Variants in CDC42BPB observed in about 807,000 individuals in gnomAD.
The protein encoded by CDC42BPB is serine/threonine-protein kinase MRCK beta.
In CDC42BPB, 37 loss-of-function variants were observed where a neutral mutation model predicts 214.9. That is an observed-to-expected ratio of 0.17 (90% CI 0.13 to 0.23). The LOEUF is 0.23. CDC42BPB is among the 10% of genes least tolerant of loss of function. CDC42BPB has a pLI of 1.00. For synonymous variants in CDC42BPB, 931 were observed against 884.0 expected, an observed-to-expected ratio of 1.05 and a Z score of -0.94; for missense variants, 1,694 against 2,227.0, an observed-to-expected ratio of 0.76 and a Z score of 4.82.
chr14:103,025,854 A>T (rs577692443), intron 1 of CDC42BPB, among the ~76,000 whole-genome samples: 68 of 152,148 alleles, frequency 4.5e-4, no homozygotes, highest in Middle Eastern at 3.4e-3. Context: ...ACACTGATGA[A>T]TCACACGGAT....
At chr14:103,051,670 G>C (rs1039790048) in intron 1 of CDC42BPB, among the ~76,000 whole-genome samples, 1 of 152,196 alleles carries the variant, frequency 6.6e-6, no homozygotes, top group Non-Finnish European at 1.5e-5. Flanking sequence ...ACATGCATTT[G>C]AGTATTTTGC....
At chr14:102,959,979 G>C (rs541842686) in intron 20 of CDC42BPB, 1 of 292,202 alleles carries the variant, frequency 3.4e-6, no homozygotes, top group Non-Finnish European at 5.1e-6. Flanking sequence ...GGCCGAGGTG[G>C]GCGGATCACC....
intron 5 of CDC42BPB, among the ~76,000 whole-genome samples, chr14:102,997,244 G>A (rs1894781249): frequency 6.6e-6 from 1 of 152,162 alleles, no homozygotes; most frequent in Non-Finnish European, 1.5e-5. Context: ...GGAAGACACA[G>A]ACACATGTGA....
intron 1 of CDC42BPB, among the ~76,000 whole-genome samples, chr14:103,028,349 C>T (rs932735664): frequency 2.0e-5 from 3 of 152,142 alleles, no homozygotes; most frequent in African/African-American, 7.2e-5. Flanking sequence ...CAGACTTCAC[C>T]GCTTACTGTG....
At chr14:103,011,015 G>A (rs1016529277) in intron 2 of CDC42BPB, among the ~76,000 whole-genome samples, 16 of 152,244 alleles carry the variant, frequency 1.1e-4, no homozygotes, top group Admixed American at 2.0e-4. Context: ...GGGTGACACA[G>A]CGAGACTCCA....
intron 1 of CDC42BPB, among the ~76,000 whole-genome samples, chr14:103,028,849 G>C (rs553300711): frequency 6.6e-6 from 1 of 152,286 alleles, no homozygotes; most frequent in Admixed American, 6.5e-5. Flanking sequence ...GAAAATACTA[G>C]TGACAAGAAA....
At chr14:102,964,685 T>G in intron 18 of CDC42BPB, 35 bp from the exon 19 acceptor site, 1 of 1,570,580 alleles carries the variant, frequency 6.4e-7, no homozygotes, top group Non-Finnish European at 8.6e-7. Context: ...AAATGCATTT[T>G]CAGTTATCCG....
chr14:103,053,628 G>A (rs1194444300), intron 1 of CDC42BPB, among the ~76,000 whole-genome samples: 3 of 151,250 alleles, frequency 2.0e-5, no homozygotes, highest in Admixed American at 1.3e-4. Context: ...CAGGCGTGAT[G>A]GCGGGCGCCT....
chr14:102,938,797 T>C (rs1891756897), intron 34 of CDC42BPB, among the ~76,000 whole-genome samples: 1 of 151,882 alleles, frequency 6.6e-6, no homozygotes, highest in Non-Finnish European at 1.5e-5. Context: ...CCCAGCTTAT[T>C]TTTGTAGTTT....
chr14:102,952,813 A>T (rs1019335780), intron 23 of CDC42BPB: 1 of 808,256 alleles, frequency 1.2e-6, no homozygotes, highest in Admixed American at 6.2e-5. Flanking sequence ...AGAGGCCAAC[A>T]AATACTTCCT....
At chr14:102,986,442 GCCAAA>G in intron 6 of CDC42BPB, 40 bp downstream of exon 6, 1 of 1,451,268 alleles carries the variant, frequency 6.9e-7, no homozygotes. Context: ...CTGACTATAT[GCCAAA>G]CCCAAAACCA....
Position 102,938,153 on chromosome 14 carries a change from G to A in CDC42BPB, c.4955C>T (p.Thr1652Ile), listed in dbSNP as rs746810463. 3.7e-6 allele frequency: 6 copies of A among 1,613,900 alleles called. No individual in the cohort carries two copies. The highest frequency in any genetic ancestry group is 3.3e-5 in the Admixed American group (2 of 60,020). Reference sequence around the variant, plus strand: ...ATCAGACATACTTCTCAGAGGCACAGTCACGCTAGGCTCCGATCCACCTAC... The same window carrying A: ...ATCAGACATACTTCTCAGAGGCACAATCACGCTAGGCTCCGATCCACCTAC... ...PSSGGSEPSV[T>I]VPLRSMSDPD... Residue 1652 changes from threonine (T) to isoleucine (I), a missense_variant, in exon 36 of 37, where the codon ACT becomes ATT. Physicochemically the swap from Thr to Ile is moderately conservative, Grantham distance 89. Coordinates refer to ENST00000361246, the MANE Select transcript of CDC42BPB (RefSeq NM_006035.4).
chr14:102,972,408 C>T (rs767781851), intron 12 of CDC42BPB: 2 of 857,972 alleles, frequency 2.3e-6, no homozygotes, highest in Non-Finnish European at 2.8e-6. Context: ...CCCCACAGGC[C>T]GGGCACAGTG....
intron 16 of CDC42BPB, 105 bp downstream of exon 16, chr14:102,968,148 C>T: frequency 2.7e-6 from 2 of 741,024 alleles, no homozygotes; most frequent in South Asian, 1.8e-5. Flanking sequence ...TCTACTCCCC[C>T]ATAAATATAT....
At chr14:103,017,561 G>T (rs1886538534) in intron 1 of CDC42BPB, among the ~76,000 whole-genome samples, 1 of 152,156 alleles carries the variant, frequency 6.6e-6, no homozygotes, top group Middle Eastern at 3.4e-3. Context: ...ACATCCCACA[G>T]GACACGAGGG....
intron 24 of CDC42BPB, among the ~76,000 whole-genome samples, chr14:102,951,653 G>A (rs574925024): frequency 6.6e-6 from 1 of 152,284 alleles, no homozygotes; most frequent in South Asian, 2.1e-4. Flanking sequence ...GCCAGGCATG[G>A]TGGCGTGGGC....
At chr14:102,939,264 G>A (rs1204151379) in intron 34 of CDC42BPB, among the ~76,000 whole-genome samples, 1 of 152,212 alleles carries the variant, frequency 6.6e-6, no homozygotes, top group Non-Finnish European at 1.5e-5. Context: ...AAGTAAAAAA[G>A]AGAAAGTATG....
At chr14:102,958,294 C>T (rs1424255135) in intron 21 of CDC42BPB, among the ~76,000 whole-genome samples, 1 of 152,144 alleles carries the variant, frequency 6.6e-6, no homozygotes, top group Non-Finnish European at 1.5e-5. Flanking sequence ...GTCGCTGATA[C>T]CTTCAAGTCG....
chr14:102,942,975 T>A (rs1015298050), intron 30 of CDC42BPB, among the ~76,000 whole-genome samples: 1 of 149,824 alleles, frequency 6.7e-6, no homozygotes. Context: ...TTCAAGCGAT[T>A]CTCCTGCCTC....
Sources: gnomAD v4.1 joint callset for allele counts (sites outside exome capture counted in the v4.1 genomes callset) on GRCh38, gnomAD v4.1.1 for gene constraint, MANE v1.5 for transcripts, NCBI Gene and HGNC (gene_info 2026-07-23, HGNC 2026-07-21) for gene names.